MZT2A: variants seen among roughly 807,000 people sequenced by gnomAD.
MZT2A encodes the protein mitotic spindle organizing protein 2A.
In MZT2A, 8 loss-of-function variants were observed where a neutral mutation model predicts 12.4. That is an observed-to-expected ratio of 0.64 (90% CI 0.38 to 1.16). The LOEUF (loss-of-function observed/expected upper bound fraction) is 1.16. Among genes scored for constraint, MZT2A ranks in the 50% most tolerant of loss-of-function variants. The pLI, the probability that MZT2A is intolerant of heterozygous loss-of-function variation, is 0.01. For synonymous variants in MZT2A, 88 were observed against 107.5 expected (o/e 0.82, Z 1.12); for missense variants, 181 against 223.6 (o/e 0.81, Z 1.22).
At chr2:131,490,041 C>T in intron 2 of MZT2A, 2 of 931,844 alleles carry the variant, frequency 2.1e-6, no homozygotes, top group Non-Finnish European at 2.6e-6. Context: ...CACCCCTACT[C>T]CAGGCCTGTC....
intron 2 of MZT2A, chr2:131,490,622 G>A (rs1201499678): frequency 6.5e-7 from 1 of 1,548,298 alleles, no homozygotes; most frequent in African/African-American, 1.4e-5. Context: ...TGCCCTTGCA[G>A]CTCAAAGCTG....
rs200249448 is a variant in MZT2A at position 131,476,197 on chromosome 2, G to A, written c.279-4015C>T. The A allele has an allele frequency of 1.4e-3, 2,306 of 1,613,952 alleles. 3 individuals are homozygous for A. Among genetic ancestry groups the A allele is most frequent in the Non-Finnish European group, 1.7e-3 (2,055 of 1,179,996 alleles). The stretch of plus-strand genomic sequence containing the variant: ...GCGTTGGGCTGAAGCAGCGGAGTTC[G>A]CCATGGTAAGGCCCGGGTCACTCCC... On this transcript the variant is annotated intron_variant and NMD_transcript_variant, in intron 2 of 4. Coordinates refer to the MZT2A transcript ENST00000427024.
chr2:131,472,225 T>G (rs1480723358), intron 2 of MZT2A: 2 of 1,273,928 alleles, frequency 1.6e-6, no homozygotes, highest in Admixed American at 4.7e-5. Flanking sequence ...TGTGTTACTT[T>G]CTGTGTAGCA....
At chr2:131,477,320 C>T (rs6725843) in intron 2 of MZT2A, among the ~76,000 whole-genome samples, 4,950 of 152,208 alleles carry the variant, frequency 0.033, 257 homozygotes, top group African/African-American at 0.11. Context: ...TAGGAATGAG[C>T]CACCACACCC....
intron 2 of MZT2A, among the ~76,000 whole-genome samples, chr2:131,488,853 T>C (rs1679164964): frequency 6.6e-6 from 1 of 152,080 alleles, no homozygotes; most frequent in Non-Finnish European, 1.5e-5. Flanking sequence ...CAAATGACCC[T>C]GAGGGGCCCA....
In MZT2A at chr2:131,492,356, C is replaced by G. The variant is rs917234580; in HGVS notation, c.21G>C (p.Gly7=). 8 of 1,399,408 alleles carry G rather than the reference C, an allele frequency of 5.7e-6. No individual in the cohort carries two copies. In the African/African-American group the frequency reaches 1.1e-4, roughly 19 times the overall value. 86.7% of individuals were successfully genotyped at this position (1,399,408 alleles called of 1,614,324 possible). ...GGGGCGCCGCCGACCCCGGCCCAGG[C>G]CCTACGCCCTGCGCCGCCATCCGCG... MAAQGV[G]PGPGSAAPPG... The change falls in exon 1 of 3, where the codon GGG becomes GGC. Residue 7 remains glycine, a synonymous_variant. Transcript: ENST00000309451.
At chr2:131,492,186 G>C (rs565816716) in intron 1 of MZT2A, 21 bp downstream of exon 1, 4 of 1,543,908 alleles carry the variant, frequency 2.6e-6, no homozygotes, top group Non-Finnish European at 3.5e-6. Context: ...CGAGCATGCG[G>C]CCCCCACCCG....
intron 3 of MZT2A, among the ~76,000 whole-genome samples, chr2:131,471,443 C>CA (rs544344844): frequency 0.01 from 592 of 59,130 alleles, 17 homozygotes; most frequent in South Asian, 0.019. Flanking sequence ...GACTCTGTCT[C>CA]AAAAAAAAAA....
At chr2:131,492,099 CG>C in intron 1 of MZT2A, 75 bp from the exon 2 acceptor site, 1 of 1,561,948 alleles carries the variant, frequency 6.4e-7, no homozygotes, top group South Asian at 1.2e-5. Context: ...CGGACAAGGA[CG>C]GGGGCGGGGG....
At chr2:131,491,651 C>G in intron 2 of MZT2A, 1 of 775,486 alleles carries the variant, frequency 1.3e-6, no homozygotes, top group Non-Finnish European at 2.0e-6. Flanking sequence ...CAGCCTGGAC[C>G]ACCCTGGGGC....
intron 2 of MZT2A, among the ~76,000 whole-genome samples, chr2:131,472,934 G>A (rs1244100751): frequency 3.3e-5 from 5 of 149,620 alleles, no homozygotes; most frequent in African/African-American, 7.7e-5. Flanking sequence ...AATATTAGAC[G>A]CTGAAGCTCT....
At chr2:131,487,340 GT>G (rs1679089964) in intron 2 of MZT2A, among the ~76,000 whole-genome samples, 1 of 152,224 alleles carries the variant, frequency 6.6e-6, no homozygotes, top group Admixed American at 6.5e-5. Context: ...AATTAGCCAG[GT>G]GTGGTAGTGT....
intron 2 of MZT2A, chr2:131,486,287 C>T (rs1035349130): frequency 1.2e-5 from 2 of 166,912 alleles, no homozygotes; most frequent in African/African-American, 4.8e-5. Flanking sequence ...AGGATTCTGT[C>T]TTCCATGAGC....
rs1359199718 is a variant in MZT2A at position 131,491,997 on chromosome 2, G to A, written c.198C>T (p.Asn66=). 1.9e-6 allele frequency: 3 copies of A among 1,549,828 alleles called. No individual in the cohort carries two copies. Among genetic ancestry groups the A allele is most frequent in the East Asian group, 4.8e-5 (2 of 41,462 alleles). The change falls in exon 2 of 3, where the codon AAC becomes AAT. Residue 66 remains asparagine (N), a synonymous_variant. Coordinates refer to ENST00000309451, the MANE Select transcript of MZT2A (RefSeq NM_001085365.2). ...FKILVDLLKL[N]VAPLAVFQML... ...TCTGGAAGACGGCGAGGGGGGCCACGTTCAGCTTCAGCAGGTCCACCAGGA... is the reference window on the plus strand; with the variant it reads ...TCTGGAAGACGGCGAGGGGGGCCACATTCAGCTTCAGCAGGTCCACCAGGA...
At chr2:131,474,405 C>CTTCT (rs1341553723) in intron 2 of MZT2A, among the ~76,000 whole-genome samples, 1 of 94,834 alleles carries the variant, frequency 1.1e-5, no homozygotes, top group South Asian at 4.3e-4. Flanking sequence ...TCTTCTTCTT[C>CTTCT]TTTTTTTTTT....
downstream of MZT2A, chr2:131,482,944 G>T (rs1394932023): frequency 1.3e-6 from 2 of 1,535,708 alleles, no homozygotes; most frequent in Admixed American, 2.0e-5. Flanking sequence ...AGCCCTCTGT[G>T]TGTCGTGCAG....
intron 3 of MZT2A, chr2:131,472,018 A>C (rs1704997948): frequency 7.9e-7 from 1 of 1,273,468 alleles, no homozygotes. Flanking sequence ...AATCTTACAA[A>C]ACTCTGCAAA....
At chr2:131,482,271 CTG>C (rs1678888985), downstream of MZT2A, among the ~76,000 whole-genome samples, 1 of 152,190 alleles carries the variant, frequency 6.6e-6, no homozygotes, top group African/African-American at 2.4e-5. Flanking sequence ...AGAGGGAAGA[CTG>C]TCTTCACCTG....
intron 2 of MZT2A, among the ~76,000 whole-genome samples, chr2:131,488,333 CT>C (rs1679137877): frequency 2.6e-5 from 4 of 152,184 alleles, no homozygotes; most frequent in Admixed American, 2.6e-4. Flanking sequence ...CTGGGGTTTT[CT>C]ATTTCCCCTT....
Sources: allele counts gnomAD v4.1 joint callset (sites outside exome capture counted in the v4.1 genomes callset), GRCh38; gene constraint gnomAD v4.1.1; transcripts MANE v1.5; gene names NCBI Gene and HGNC (gene_info 2026-07-23, HGNC 2026-07-21).